The following MYO16 variants were observed in gnomAD, a reference collection of about 807,000 sequenced individuals.
The protein encoded by MYO16 is myosin XVI.
In MYO16, 94 loss-of-function variants were observed where a neutral mutation model predicts 205.3. The observed-to-expected ratio is 0.46, with a 90% CI of 0.39 to 0.54. The LOEUF (loss-of-function observed/expected upper bound fraction) is 0.54, where lower values mean the gene tolerates loss of function less well. Among genes scored for constraint, MYO16 ranks in the 20% least tolerant of loss-of-function variants. The probability of loss-of-function intolerance (pLI) is 0.00; values close to 1 mark genes in which losing one functional copy is unlikely to be tolerated. For synonymous variants in MYO16, 988 were observed against 954.0 expected (o/e 1.04, Z -0.66); for missense variants, 2,315 against 2,387.5 (o/e 0.97, Z 0.63).
intron 16 of MYO16, among the ~76,000 whole-genome samples, chr13:108,937,784 A>G (rs1260901300): frequency 2.6e-5 from 4 of 151,920 alleles, no homozygotes; most frequent in African/African-American, 9.7e-5. Context: ...CATTTCCTTG[A>G]TTGTTTTGGA....
chr13:108,624,780 C>CCT (rs1330237329), upstream of MYO16, among the ~76,000 whole-genome samples: 46 of 93,532 alleles, frequency 4.9e-4, no homozygotes, highest in Non-Finnish European at 9.7e-4. Context: ...TCCCATATAG[C>CCT]CTGAGTGTGT....
intron 4 of MYO16, among the ~76,000 whole-genome samples, chr13:108,756,116 T>C (rs1046895331): frequency 1.3e-5 from 2 of 151,654 alleles, no homozygotes; most frequent in Admixed American, 1.3e-4. Context: ...AAAAGGCTTG[T>C]ATTTTCACAT....
intron 1 of MYO16, among the ~76,000 whole-genome samples, chr13:108,619,793 C>T (rs1435234314): frequency 1.3e-5 from 2 of 152,098 alleles, no homozygotes; most frequent in Admixed American, 1.3e-4. Context: ...CTCCCCTCTC[C>T]CTCTCTCTCC....
At chr13:109,093,615 A>G (rs1888687528) in intron 27 of MYO16, among the ~76,000 whole-genome samples, 1 of 152,144 alleles carries the variant, frequency 6.6e-6, no homozygotes, top group Non-Finnish European at 1.5e-5. Flanking sequence ...CGTCAGCCAC[A>G]GCCTCCAGTT....
At chr13:108,880,841 T>G (rs1454290735) in intron 12 of MYO16, among the ~76,000 whole-genome samples, 1 of 152,226 alleles carries the variant, frequency 6.6e-6, no homozygotes, top group African/African-American at 2.4e-5. Context: ...GTCTTGGCAA[T>G]GTAGGCTCTT....
chr13:108,674,518 C>A (rs1882120513), intron 2 of MYO16, among the ~76,000 whole-genome samples: 1 of 152,176 alleles, frequency 6.6e-6, no homozygotes, highest in African/African-American at 2.4e-5. Flanking sequence ...TATCCTCTCT[C>A]CCTGACCTCC....
At chr13:108,810,664 ACT>A (rs56787506) in intron 7 of MYO16, among the ~76,000 whole-genome samples, 79,581 of 151,826 alleles carry the variant, frequency 0.52, 23,893 homozygotes, top group Middle Eastern at 0.68. Context: ...AAGATTTATA[ACT>A]CTCTCTGAAG....
In MYO16 at chr13:108,875,300, A is replaced by G. The variant is rs191524802; in HGVS notation, c.1426-7759A>G. Among the ~76,000 whole-genome samples, 46 of 152,314 alleles carry G rather than the reference A, an allele frequency of 3.0e-4. 2 individuals are homozygous for G. Among genetic ancestry groups the G allele is most frequent in the Admixed American group, 2.9e-3 (45 of 15,292 alleles). ...GCCCTGATGATATTCGCTGGACCCA[A>G]TGAGAAAGTGCAATTTTAACTATGA... On this transcript the variant is annotated intron_variant, in intron 12 of 34. Transcript: ENST00000457511.
rs772815967 is a variant in MYO16 at position 109,052,321 on chromosome 13, A to G, written c.2894A>G (p.Asn965Ser). 5.0e-6 allele frequency: 8 copies of G among 1,612,868 alleles called. No individual in the cohort carries two copies. Among genetic ancestry groups the G allele is most frequent in the East Asian group, 4.5e-5 (2 of 44,870 alleles). ...CTAGCTAGTGAAAATGTCGTGATCA[A>G]TCATTTGTTCCAGTCGAAATTGTCA... ...VMKTSENVVI[N>S]HLFQSKLSQT... The change falls in exon 25 of 35, where the codon AAT (asparagine) becomes AGT (serine). Residue 965 changes from asparagine (N) to serine (S), a missense_variant. Asn to Ser is a conservative substitution (Grantham distance 46). This residue lies in a region of MYO16 where 1,213 missense variants were observed against 1,274.4 expected (regional missense o/e 0.95). Coordinates refer to ENST00000457511, the MANE Select transcript of MYO16 (RefSeq NM_001198950.3).
intron 6 of MYO16, among the ~76,000 whole-genome samples, chr13:108,794,260 T>C (rs1467484078): frequency 2.0e-5 from 3 of 152,012 alleles, no homozygotes. Flanking sequence ...AATCTGTACA[T>C]CAAGCCACTA....
intron 12 of MYO16, among the ~76,000 whole-genome samples, chr13:108,881,987 A>G (rs1420023895): frequency 6.6e-6 from 1 of 152,230 alleles, no homozygotes; most frequent in African/African-American, 2.4e-5. Context: ...TCCAAGACAC[A>G]TAATTGTCAG....
chr13:108,750,793 C>T (rs2116245), intron 4 of MYO16, among the ~76,000 whole-genome samples: 64,703 of 151,038 alleles, frequency 0.43, 13,879 homozygotes, highest in East Asian at 0.55. Context: ...GGTGACAGAG[C>T]AAGACTCCAT....
At chr13:109,009,145 T>A in intron 22 of MYO16, 96 bp downstream of exon 22, 2 of 977,508 alleles carry the variant, frequency 2.0e-6, no homozygotes, top group East Asian at 2.7e-5. Flanking sequence ...ATTTTTGAGA[T>A]ATCTTTATAT....
the MYO16 span, among the ~76,000 whole-genome samples, chr13:108,571,775 GAAA>G: frequency 7.2e-6 from 1 of 138,154 alleles, no homozygotes; most frequent in African/African-American, 2.7e-5. Flanking sequence ...TTCTATATTT[GAAA>G]AAAAAAAAAA....
chr13:108,743,612 G>A (rs372711457), intron 4 of MYO16, among the ~76,000 whole-genome samples: 1 of 152,136 alleles, frequency 6.6e-6, no homozygotes, highest in African/African-American at 2.4e-5. Flanking sequence ...GAAATTGCAG[G>A]GAACATTTTC....
chr13:109,170,897 A>G (rs901452395), intron 33 of MYO16, among the ~76,000 whole-genome samples: 2 of 152,194 alleles, frequency 1.3e-5, no homozygotes, highest in African/African-American at 4.8e-5. Context: ...CCCTTAACAC[A>G]CTTACAATTT....
rs1248303307 is a variant in MYO16 at position 108,883,038 on chromosome 13, T to G, written c.1426-21T>G. The G allele has an allele frequency of 4.3e-6, 7 of 1,612,734 alleles. No homozygotes were observed. In the South Asian group the frequency reaches 7.7e-5, roughly 18 times the overall value. Reference sequence around the variant, plus strand: ...CGCCTTTTCACTGAGGTTTTCCCCTTGCTGCTGCCCTGTTTTCCAGGTGTC... The same window carrying G: ...CGCCTTTTCACTGAGGTTTTCCCCTGGCTGCTGCCCTGTTTTCCAGGTGTC... On this transcript the variant is annotated intron_variant, in intron 12 of 34. Transcript: ENST00000457511.
At chr13:108,921,953 C>T (rs1881763243) in intron 16 of MYO16, among the ~76,000 whole-genome samples, 1 of 152,118 alleles carries the variant, frequency 6.6e-6, no homozygotes, top group South Asian at 2.1e-4. Flanking sequence ...AAGGCTCCTT[C>T]CCATTGGAGT....
chr13:108,922,384 G>A (rs1787712633), intron 16 of MYO16, among the ~76,000 whole-genome samples: 1 of 152,164 alleles, frequency 6.6e-6, no homozygotes, highest in Non-Finnish European at 1.5e-5. Flanking sequence ...AGAGGGCCAC[G>A]CTGCTGAGAG....
Sources: allele counts gnomAD v4.1 joint callset (sites outside exome capture counted in the v4.1 genomes callset), GRCh38; gene constraint gnomAD v4.1.1; regional missense constraint gnomAD v4.1.1; transcripts MANE v1.5; gene names NCBI Gene and HGNC (gene_info 2026-07-23, HGNC 2026-07-21).